CUX1: variants seen among roughly 807,000 people sequenced by gnomAD.
The protein encoded by CUX1 is cut like homeobox 1.
In CUX1, 31 loss-of-function variants were observed where a neutral mutation model predicts 158.8. The observed-to-expected ratio is 0.20, with a 90% CI of 0.15 to 0.26. CUX1 has a LOEUF of 0.26. Among genes scored for constraint, CUX1 ranks in the 10% least tolerant of loss-of-function variants. The probability of loss-of-function intolerance (pLI) is 1.00; values close to 1 mark genes in which losing one functional copy is unlikely to be tolerated. For synonymous variants in CUX1, 879 were observed against 862.1 expected, an observed-to-expected ratio of 1.02 and a Z score of -0.34; for missense variants, 1,589 against 2,014.6, an observed-to-expected ratio of 0.79 and a Z score of 4.04.
At chr7:101,938,595 T>C (rs117916707) in intron 2 of CUX1, among the ~76,000 whole-genome samples, 1,808 of 152,298 alleles carry the variant, frequency 0.012, 19 homozygotes, top group South Asian at 0.02. Flanking sequence ...TATAGTCATG[T>C]GCCACCACCA....
Position 102,252,918 on chromosome 7 carries a change from G to T in CUX1, c.*3876G>T, listed in dbSNP as rs1263435518. On this transcript the variant is annotated 3_prime_UTR_variant, in exon 24 of 24. Transcript: ENST00000292535. ...GAGGCAGCTTCTAAGCGTCTCCTGG[G>T]ACAGGATTGGGGTGACAGCCCAGGG... is the stretch of plus-strand genomic sequence containing the variant. 1.0e-6 allele frequency: 1 copy of T among 985,378 alleles called. No individual in the cohort carries two copies. The highest frequency in any genetic ancestry group is 1.2e-6 in the Non-Finnish European group (1 of 829,976). The allele number at this position is 985,378 out of a possible 1,614,324, so 61.0% of individuals were successfully genotyped here.
At chr7:101,919,146 G>A (rs1175026838) in intron 2 of CUX1, among the ~76,000 whole-genome samples, 2 of 152,176 alleles carry the variant, frequency 1.3e-5, no homozygotes, top group South Asian at 4.1e-4. Context: ...TGTGGCCGGA[G>A]TGTGCTGGGT....
intron 2 of CUX1, among the ~76,000 whole-genome samples, chr7:101,937,400 C>T (rs1056266979): frequency 3.9e-5 from 6 of 152,168 alleles, no homozygotes; most frequent in Non-Finnish European, 7.3e-5. Flanking sequence ...ATCGCCCAAG[C>T]TTTGGCATAG....
chr7:101,891,933 A>C (rs1390578900), intron 1 of CUX1, among the ~76,000 whole-genome samples: 1 of 152,232 alleles, frequency 6.6e-6, no homozygotes, highest in African/African-American at 2.4e-5. Context: ...TGTTAAATGC[A>C]ATGGTCTGTA....
chr7:101,845,381 C>T (rs554272732), intron 1 of CUX1, among the ~76,000 whole-genome samples: 7 of 152,186 alleles, frequency 4.6e-5, no homozygotes, highest in Admixed American at 1.3e-4. Flanking sequence ...TTGAGATGGG[C>T]GATTGGTAGT....
intron 4 of CUX1, among the ~76,000 whole-genome samples, chr7:102,090,999 C>T (rs1465888754): frequency 6.6e-6 from 1 of 152,160 alleles, no homozygotes; most frequent in Non-Finnish European, 1.5e-5. Context: ...CACATGCAGC[C>T]TGGCTCATAC....
At chr7:101,896,988 CT>C (rs1472250070) in intron 1 of CUX1, among the ~76,000 whole-genome samples, 1 of 152,232 alleles carries the variant, frequency 6.6e-6, no homozygotes, top group African/African-American at 2.4e-5. Flanking sequence ...AGTGGCCCCC[CT>C]GAGCCTATCT....
intron 20 of CUX1, among the ~76,000 whole-genome samples, chr7:102,224,868 G>A (rs1798191569): frequency 6.6e-6 from 1 of 152,230 alleles, no homozygotes; most frequent in African/African-American, 2.4e-5. Flanking sequence ...TGACCTTGCT[G>A]TGGGTTAAAG....
chr7:102,156,316 A>G (rs77517042), intron 8 of CUX1, among the ~76,000 whole-genome samples: 10,353 of 152,236 alleles, frequency 0.068, 494 homozygotes, highest in African/African-American at 0.13. Flanking sequence ...GGGAAGTTCA[A>G]GGACATGGCC....
chr7:101,926,022 C>T (rs2906655), intron 2 of CUX1, among the ~76,000 whole-genome samples: 33,897 of 152,060 alleles, frequency 0.22, 4,202 homozygotes, highest in East Asian at 0.49. Context: ...CAGAAACCCC[C>T]GAAGAGATTT....
intron 1 of CUX1, among the ~76,000 whole-genome samples, chr7:101,890,325 A>C (rs764852648): frequency 2.6e-4 from 40 of 152,068 alleles, no homozygotes; most frequent in Non-Finnish European, 5.6e-4. Context: ...GGAAGGGGAC[A>C]GGGTGTTAGG....
chr7:101,923,908 C>T (rs1054459189), intron 2 of CUX1, among the ~76,000 whole-genome samples: 7 of 152,238 alleles, frequency 4.6e-5, no homozygotes, highest in African/African-American at 7.2e-5. Context: ...GCCCCTTCTA[C>T]GCCGGCCTGG....
In CUX1 at chr7:102,108,324, T is replaced by C. The variant is rs532767722; in HGVS notation, c.531-3374T>C. Among the ~76,000 whole-genome samples the C allele has an allele frequency of 6.6e-5, 10 of 152,266 alleles. No homozygotes were observed. In the East Asian group the frequency reaches 1.9e-3, roughly 29 times the overall value. Reference sequence around the variant, plus strand: ...ACCACAATGTGGAAATAAACACATATGGGAATTAAATATTATTAAGTTGAC... The same window carrying C: ...ACCACAATGTGGAAATAAACACATACGGGAATTAAATATTATTAAGTTGAC... On this transcript the variant is annotated intron_variant, in intron 6 of 23. Coordinates refer to ENST00000292535, the MANE Select transcript of CUX1 (RefSeq NM_181552.4).
chr7:102,028,433 A>T (rs967231898), intron 3 of CUX1, among the ~76,000 whole-genome samples: 12 of 152,310 alleles, frequency 7.9e-5, no homozygotes, highest in African/African-American at 2.9e-4. Flanking sequence ...TGTTGGCGCT[A>T]CGGCCTTCAG....
intron 2 of CUX1, among the ~76,000 whole-genome samples, chr7:102,009,727 C>T (rs1817777919): frequency 6.6e-6 from 1 of 152,244 alleles, no homozygotes; most frequent in African/African-American, 2.4e-5. Context: ...TTCTGCACAC[C>T]AGCGTGGCAG....
chr7:101,873,027 C>A (rs1798740786), intron 1 of CUX1, among the ~76,000 whole-genome samples: 1 of 151,988 alleles, frequency 6.6e-6, no homozygotes, highest in Non-Finnish European at 1.5e-5. Flanking sequence ...CATGCACTGT[C>A]ATGGCCAGTT....
intron 1 of CUX1, among the ~76,000 whole-genome samples, chr7:101,889,822 A>G (rs972884031): frequency 2.0e-5 from 3 of 152,226 alleles, no homozygotes; most frequent in African/African-American, 7.2e-5. Context: ...AGTGTTCAGG[A>G]AGTAATTTCC....
At chr7:102,164,009 C>CACTG (rs1291471532) in intron 9 of CUX1, among the ~76,000 whole-genome samples, 8 of 152,188 alleles carry the variant, frequency 5.3e-5, no homozygotes, top group African/African-American at 1.9e-4. Context: ...AACATCAGGG[C>CACTG]ACTGGCATAA....
chr7:101,919,197 G>GGTGT (rs1267247543), intron 2 of CUX1, among the ~76,000 whole-genome samples: 1 of 151,898 alleles, frequency 6.6e-6, no homozygotes, highest in Non-Finnish European at 1.5e-5. Context: ...TGTGACAGCA[G>GGTGT]GTGTGTGTGT....
Sources: allele counts gnomAD v4.1 joint callset (sites outside exome capture counted in the v4.1 genomes callset), GRCh38; gene constraint gnomAD v4.1.1; transcripts MANE v1.5; gene names NCBI Gene and HGNC (gene_info 2026-07-23, HGNC 2026-07-21).